The following ADAMTS19 variants were observed in gnomAD, a reference collection of about 807,000 sequenced individuals.
The protein encoded by ADAMTS19 is ADAM metallopeptidase with thrombospondin type 1 motif 19.
Under a neutral mutation model 153.3 loss-of-function variants are expected in ADAMTS19, and 93 were observed. The ratio of observed to expected loss-of-function variants is 0.61; its 90% CI spans 0.51 to 0.72. The LOEUF (loss-of-function observed/expected upper bound fraction) is 0.72, where lower values mean the gene tolerates loss of function less well. Ranked by LOEUF, ADAMTS19 falls within the 30% of genes least tolerant of loss-of-function variation. The pLI, the probability that ADAMTS19 is intolerant of heterozygous loss-of-function variation, is 0.00. For missense variants in ADAMTS19, 1,482 were observed against 1,552.1 expected (o/e 0.95, Z 0.76); for synonymous variants, 600 against 556.6 (o/e 1.08, Z -1.10).
At chr5:129,477,056 A>G (rs949515227) in intron 2 of ADAMTS19, among the ~76,000 whole-genome samples, 20 of 152,206 alleles carry the variant, frequency 1.3e-4, no homozygotes, top group African/African-American at 4.6e-4. Context: ...ATATAGATAT[A>G]CACAGGAAAT....
chr5:129,702,941 A>AAAATATATATATATATATATATATAT, intron 20 of ADAMTS19, among the ~76,000 whole-genome samples: 5 of 29,300 alleles, frequency 1.7e-4, no homozygotes, highest in East Asian at 1.3e-3. Flanking sequence ...AAAAAAAAAA[A>AAAATATATATATATATATATATATAT]ATATATATAT....
Position 129,702,941 on chromosome 5 carries a change from A to AATATAT in ADAMTS19, c.3160-1272_3160-1267dup, listed in dbSNP as rs59614056. ...TAGTTTGACTTGCCAAAAAAAAAAA[A>AATATAT]ATATATATATATATATATATATATA... On this transcript the variant is annotated intron_variant, in intron 20 of 22. Transcript: ENST00000274487. 4.8e-3 allele frequency among the ~76,000 whole-genome samples: 139 copies of AATATAT among 29,228 alleles called. 1 individual carries two copies. The highest frequency in any genetic ancestry group is 8.7e-3 in the Non-Finnish European group (101 of 11,578). 19.2% of individuals were successfully genotyped at this position (29,228 alleles called of 152,430 possible). A position where few individuals can be genotyped will look rare whatever the true frequency, so the allele number is the denominator to read the frequency against.
intron 7 of ADAMTS19, among the ~76,000 whole-genome samples, chr5:129,565,167 T>TA (rs1753661949): frequency 6.6e-6 from 1 of 152,212 alleles, no homozygotes; most frequent in African/African-American, 2.4e-5. Flanking sequence ...TTTCATTATT[T>TA]AATCTCCCAA....
intron 20 of ADAMTS19, among the ~76,000 whole-genome samples, chr5:129,702,941 A>AAAAAATATATATATATATATATAT: frequency 1.4e-4 from 4 of 29,304 alleles, no homozygotes; most frequent in African/African-American, 3.4e-4. Flanking sequence ...AAAAAAAAAA[A>AAAAAATATATATATATATATATAT]ATATATATAT....
chr5:129,578,443 TAC>T (rs1210761429), intron 7 of ADAMTS19, among the ~76,000 whole-genome samples: 2 of 150,984 alleles, frequency 1.3e-5, no homozygotes, highest in African/African-American at 4.9e-5. Flanking sequence ...CATGTATATA[TAC>T]ACACATATAC....
At chr5:129,653,845 C>T (rs1561629223) in intron 13 of ADAMTS19, among the ~76,000 whole-genome samples, 1 of 152,060 alleles carries the variant, frequency 6.6e-6, no homozygotes, top group Non-Finnish European at 1.5e-5. Context: ...GAAATAAATA[C>T]TAGCACATTG....
At chr5:129,504,252 G>A (rs1751198010) in intron 2 of ADAMTS19, among the ~76,000 whole-genome samples, 1 of 151,976 alleles carries the variant, frequency 6.6e-6, no homozygotes, top group South Asian at 2.1e-4. Flanking sequence ...TGCAAATCCT[G>A]CTGTCTCTCA....
At chr5:129,546,967 T>C (rs898660184) in intron 6 of ADAMTS19, among the ~76,000 whole-genome samples, 10 of 151,012 alleles carry the variant, frequency 6.6e-5, no homozygotes, top group African/African-American at 2.2e-4. Flanking sequence ...TCTTGCCTTT[T>C]TCAGGAGGAA....
At chr5:129,580,985 T>C (rs1417091568) in intron 7 of ADAMTS19, among the ~76,000 whole-genome samples, 2 of 152,140 alleles carry the variant, frequency 1.3e-5, no homozygotes, top group East Asian at 1.9e-4. Flanking sequence ...TTTTCTATTG[T>C]TGGGAGTAGT....
intron 21 of ADAMTS19, among the ~76,000 whole-genome samples, chr5:129,731,475 C>T (rs1035748196): frequency 1.4e-4 from 21 of 151,932 alleles, no homozygotes; most frequent in African/African-American, 5.1e-4. Context: ...CAATGGTAAA[C>T]TCAATAACCA....
At chr5:129,721,343 C>T (rs892950161) in intron 21 of ADAMTS19, among the ~76,000 whole-genome samples, 3 of 152,054 alleles carry the variant, frequency 2.0e-5, no homozygotes, top group African/African-American at 7.2e-5. Context: ...GCATTTGACC[C>T]ATCAAAAATT....
chr5:129,668,551 C>T (rs555158035), intron 16 of ADAMTS19, among the ~76,000 whole-genome samples: 1 of 152,084 alleles, frequency 6.6e-6, no homozygotes, highest in East Asian at 1.9e-4. Context: ...GACACTAATC[C>T]CAATTATAAG....
chr5:129,540,237 G>A (rs1015705589), intron 6 of ADAMTS19, among the ~76,000 whole-genome samples: 1 of 151,940 alleles, frequency 6.6e-6, no homozygotes, highest in African/African-American at 2.4e-5. Context: ...TTTAGCTCAG[G>A]GGTCAAGTTT....
chr5:129,643,623 AT>A (rs1561622710), intron 11 of ADAMTS19, among the ~76,000 whole-genome samples: 1 of 152,110 alleles, frequency 6.6e-6, no homozygotes, highest in Non-Finnish European at 1.5e-5. Flanking sequence ...AATCCAAACT[AT>A]TTTTGAAAAA....
intron 2 of ADAMTS19, among the ~76,000 whole-genome samples, chr5:129,466,732 G>A (rs957204169): frequency 6.6e-6 from 1 of 152,156 alleles, no homozygotes; most frequent in African/African-American, 2.4e-5. Context: ...AGACTGAATT[G>A]TAAAAATACA....
At chr5:129,512,818 A>G (rs369372437) in intron 3 of ADAMTS19, among the ~76,000 whole-genome samples, 15 of 151,836 alleles carry the variant, frequency 9.9e-5, no homozygotes, top group East Asian at 7.8e-4. Flanking sequence ...CTCCTTTTAC[A>G]TTTCTTACAT....
chr5:129,561,402 G>A (rs1040900566), intron 7 of ADAMTS19, among the ~76,000 whole-genome samples: 2 of 152,040 alleles, frequency 1.3e-5, no homozygotes, highest in Non-Finnish European at 2.9e-5. Context: ...GGTGGCGGGC[G>A]CCTGTAGTCC....
At chr5:129,535,932 C>A (rs1466411998) in intron 6 of ADAMTS19, among the ~76,000 whole-genome samples, 5 of 152,028 alleles carry the variant, frequency 3.3e-5, no homozygotes, top group African/African-American at 9.7e-5. Flanking sequence ...TAAAGACTTA[C>A]ATGTTAGACC....
At chr5:129,539,167 C>A (rs1752567358) in intron 6 of ADAMTS19, among the ~76,000 whole-genome samples, 1 of 152,074 alleles carries the variant, frequency 6.6e-6, no homozygotes, top group Non-Finnish European at 1.5e-5. Flanking sequence ...GTGAATATGC[C>A]ATCTTACATG....
Sources: gnomAD v4.1 joint callset for allele counts (sites outside exome capture counted in the v4.1 genomes callset) on GRCh38, gnomAD v4.1.1 for gene constraint, MANE v1.5 for transcripts, NCBI Gene and HGNC (gene_info 2026-07-23, HGNC 2026-07-21) for gene names.